The following AS3MT variants were observed in gnomAD, a reference collection of about 807,000 sequenced individuals.
AS3MT encodes the protein arsenite methyltransferase.
Under a neutral mutation model 45.3 loss-of-function variants are expected in AS3MT, and 47 were observed. That is an observed-to-expected ratio of 1.04 (90% CI 0.82 to 1.32). The LOEUF is 1.32. Ranked by LOEUF, AS3MT falls within the 40% of genes most tolerant of loss-of-function variation. AS3MT has a pLI of 0.00. For synonymous variants in AS3MT, 141 were observed against 152.8 expected (o/e 0.92, Z 0.57); for missense variants, 396 against 451.1 (o/e 0.88, Z 1.11).
In AS3MT at chr10:102,870,108, A is replaced by AG. The variant is rs763309223; in HGVS notation, c.68dup (p.Ser24IlefsTer44). ...GACCTACTACGGGCAGGTGCTGAAG[A>AG]GATCGGCAGACCTCCAGACCAACGG... On this transcript the variant is annotated frameshift_variant, in exon 3 of 11. Coordinates refer to ENST00000369880, the MANE Select transcript of AS3MT (RefSeq NM_020682.4). LOFTEE classifies it high-confidence loss of function. The AG allele has an allele frequency of 6.2e-7, 1 of 1,614,148 alleles. No individual in the cohort carries two copies. The highest frequency in any genetic ancestry group is 8.5e-7 in the Non-Finnish European group (1 of 1,180,038).
intron 10 of AS3MT, among the ~76,000 whole-genome samples, chr10:102,894,626 C>A (rs10786721): frequency 0.41 from 62,029 of 151,694 alleles, 12,892 homozygotes; most frequent in East Asian, 0.56. Context: ...ACCAGCATTA[C>A]CATTAAAACA....
rs1251755241 is a variant in AS3MT at position 102,870,086 on chromosome 10, C to T, written c.45C>T (p.Thr15=). The T allele has an allele frequency of 6.2e-7, 1 of 1,613,910 alleles. No individual in the cohort carries two copies. The highest frequency in any genetic ancestry group is 8.5e-7 in the Non-Finnish European group (1 of 1,180,030). Reference sequence around the variant, plus strand: ...TCCACTGTGGGACGCTGGGTCAGACCTACTACGGGCAGGTGCTGAAGAGAT... The same window carrying T: ...TCCACTGTGGGACGCTGGGTCAGACTTACTACGGGCAGGTGCTGAAGAGAT... ...RDAEIQKDVQ[T]YYGQVLKRSA... Residue 15 remains threonine, a splice_region_variant and synonymous_variant, in exon 3 of 11, where the codon ACC becomes ACT. Coordinates refer to ENST00000369880, the MANE Select transcript of AS3MT (RefSeq NM_020682.4).
At chr10:102,884,935 C>T (rs959826291) in intron 9 of AS3MT, among the ~76,000 whole-genome samples, 1 of 152,134 alleles carries the variant, frequency 6.6e-6, no homozygotes, top group Non-Finnish European at 1.5e-5. Context: ...CAGATCAAGT[C>T]AATGTAACTG....
In AS3MT at chr10:102,877,196, G is replaced by C. The variant is rs558287845; in HGVS notation, c.610+161G>C. ...TGCCATTCAAAAGTGATAGGGCTTTGGATAGTTTAATTCATCTCTTTGAGT... is the reference window on the plus strand; with the variant it reads ...TGCCATTCAAAAGTGATAGGGCTTTCGATAGTTTAATTCATCTCTTTGAGT... On this transcript the variant is annotated intron_variant, in intron 7 of 10. Coordinates refer to ENST00000369880, the MANE Select transcript of AS3MT (RefSeq NM_020682.4). Among the ~76,000 whole-genome samples, 46 of 152,318 alleles carry C rather than the reference G, an allele frequency of 3.0e-4. 1 individual carries two copies. In the South Asian group the frequency reaches 8.9e-3, roughly 29 times the overall value.
Position 102,869,577 on chromosome 10 carries a change from C to A in AS3MT, c.-16C>A. ...GAGACAGTGAGTGCGCGCCCTGAGT[C>A]GCAGGCCGAGGAGACAGTGAGTGCG... On this transcript the variant is annotated 5_prime_UTR_variant, in exon 1 of 11. Transcript: ENST00000369880. 6.1e-6 allele frequency: 8 copies of A among 1,311,912 alleles called. No individual in the cohort carries two copies. The highest frequency in any genetic ancestry group is 7.8e-6 in the Non-Finnish European group (8 of 1,027,588). 81.3% of individuals were successfully genotyped at this position (1,311,912 alleles called of 1,614,324 possible).
intron 9 of AS3MT, among the ~76,000 whole-genome samples, chr10:102,888,871 ATATATATATATTT>A (rs1284789758): frequency 3.1e-3 from 216 of 69,674 alleles, no homozygotes; most frequent in East Asian, 0.013. Context: ...ATATATATAT[ATATATATATATTT>A]TTTTTTTTTT....
chr10:102,877,018 C>T lies in AS3MT; in HGVS notation c.593C>T (p.Thr198Ile). ...TSLELPEEIR[T>I]HKVLWGECLG... Reference sequence around the variant, plus strand: ...CTTGAACTGCCAGAAGAAATCAGGACACACAAAGTTTTATGGGGTAGGTGA... The same window carrying T: ...CTTGAACTGCCAGAAGAAATCAGGATACACAAAGTTTTATGGGGTAGGTGA... Residue 198 changes from threonine (T) to isoleucine (I), a missense_variant, in exon 7 of 11, where the codon ACA (threonine) becomes ATA (isoleucine). Thr to Ile is a moderately conservative substitution (Grantham distance 89). Coordinates refer to ENST00000369880, the MANE Select transcript of AS3MT (RefSeq NM_020682.4). 1 of 1,614,064 alleles carries T rather than the reference C, an allele frequency of 6.2e-7. No homozygotes were observed. The highest frequency in any genetic ancestry group is 8.5e-7 in the Non-Finnish European group (1 of 1,179,954).
intron 3 of AS3MT, among the ~76,000 whole-genome samples, chr10:102,871,154 G>A (rs1238196008): frequency 6.6e-6 from 1 of 152,108 alleles, no homozygotes; most frequent in South Asian, 2.1e-4. Flanking sequence ...TGAGGGAGGA[G>A]AATCACTTGA....
intron 10 of AS3MT, among the ~76,000 whole-genome samples, chr10:102,896,686 G>A (rs1845179141): frequency 1.3e-5 from 2 of 151,932 alleles, no homozygotes; most frequent in Admixed American, 6.6e-5. Context: ...GCATGCGCCT[G>A]TAATCCCAGC....
intron 3 of AS3MT, 55 bp downstream of exon 3, chr10:102,870,266 G>C: frequency 6.2e-7 from 1 of 1,601,778 alleles, no homozygotes; most frequent in Non-Finnish European, 8.5e-7. Context: ...TTTCCCAAAA[G>C]ATAATGATGC....
At chr10:102,878,812 G>C (rs1187847455) in intron 8 of AS3MT, 37 bp from the exon 9 acceptor site, 1 of 1,601,728 alleles carries the variant, frequency 6.2e-7, no homozygotes, top group African/African-American at 1.3e-5. Context: ...AACTGGGGGA[G>C]TGCTGGAGAT....
Position 102,884,049 on chromosome 10 carries a change from G to A in AS3MT, c.885+5058G>A, listed in dbSNP as rs1390767945. ...GCTGGAGTGCAGTGGCACAATCTCG[G>A]CTCACTGCAACCTCCACCTCTCAGG... On this transcript the variant is annotated intron_variant, in intron 9 of 10. Transcript: ENST00000369880. Among the ~76,000 whole-genome samples, 4 of 149,332 alleles carry A rather than the reference G, an allele frequency of 2.7e-5. No homozygotes were observed. The Admixed American group carries it at 2.7e-4, about 10-fold the overall frequency.
chr10:102,874,256 G>GGA (rs1554883422), intron 5 of AS3MT, among the ~76,000 whole-genome samples: 5 of 140,054 alleles, frequency 3.6e-5, no homozygotes, highest in African/African-American at 5.2e-5. Flanking sequence ...ATCCTCTCGG[G>GGA]AAAAAAAAAA....
Position 102,869,745 on chromosome 10 carries a change from C to A in AS3MT, c.2-60C>A, listed in dbSNP as rs111338822. On this transcript the variant is annotated intron_variant, in intron 1 of 10. Transcript: ENST00000369880. ...CCGCTGCCTGCCCTTTACTGGCCCC[C>A]TCCCTCATGCCCGTCCCTCAGCACC... 4.7e-4 allele frequency: 756 copies of A among 1,613,044 alleles called. 3 individuals carry two copies. The African/African-American group carries it at 7.9e-3, about 17-fold the overall frequency.
intron 7 of AS3MT, 36 bp downstream of exon 7, chr10:102,877,071 T>A (rs758468005): frequency 6.3e-7 from 1 of 1,578,056 alleles, no homozygotes; most frequent in East Asian, 2.2e-5. Context: ...TTAAGGCAGA[T>A]GGTTGTACAT....
At chr10:102,890,291 C>G (rs1000923160) in intron 9 of AS3MT, among the ~76,000 whole-genome samples, 2 of 152,018 alleles carry the variant, frequency 1.3e-5, no homozygotes, top group Non-Finnish European at 2.9e-5. Flanking sequence ...TGTGAGCCAC[C>G]GCGCCTGGCC....
At chr10:102,889,631 CCTTCCTTCCTTCCTTT>C (rs1408436140) in intron 9 of AS3MT, among the ~76,000 whole-genome samples, 4 of 144,234 alleles carry the variant, frequency 2.8e-5, no homozygotes, top group South Asian at 2.3e-4. Context: ...TTCCTTCCTT[CCTTCCTTCCTTCCTTT>C]CTTCCTTCCT....
At chr10:102,888,986 G>A (rs1212061121) in intron 9 of AS3MT, among the ~76,000 whole-genome samples, 1 of 149,850 alleles carries the variant, frequency 6.7e-6, no homozygotes, top group Non-Finnish European at 1.5e-5. Context: ...CGCCTCCCGG[G>A]TTCATGCCAT....
At chr10:102,894,590 T>G (rs2134131558) in intron 10 of AS3MT, among the ~76,000 whole-genome samples, 1 of 152,236 alleles carries the variant, frequency 6.6e-6, no homozygotes. Flanking sequence ...TATTCCCTCC[T>G]CCCTTTTGGA....
Sources: allele counts gnomAD v4.1 joint callset (sites outside exome capture counted in the v4.1 genomes callset), GRCh38; gene constraint gnomAD v4.1.1; transcripts MANE v1.5; gene names NCBI Gene and HGNC (gene_info 2026-07-23, HGNC 2026-07-21).